Variants in PTPRD observed in about 807,000 individuals in gnomAD.
PTPRD encodes the protein protein tyrosine phosphatase receptor type D, also known as receptor-type tyrosine-protein phosphatase delta.
In PTPRD, 34 loss-of-function variants were observed where a neutral mutation model predicts 214.5. The observed-to-expected ratio is 0.16, with a 90% CI of 0.12 to 0.21. PTPRD has a LOEUF of 0.21. Among genes scored for constraint, PTPRD ranks in the 10% least tolerant of loss-of-function variants. The pLI is 1.00. For synonymous variants in PTPRD, 1,128 were observed against 845.7 expected, an observed-to-expected ratio of 1.33 and a Z score of -5.79; for missense variants, 2,545 against 2,398.7, an observed-to-expected ratio of 1.06 and a Z score of -1.27.
In PTPRD at chr9:10,238,807, T is replaced by A. The variant is rs561536363; in HGVS notation, c.-545+102156A>T. Among the ~76,000 whole-genome samples, 7 of 152,090 alleles carry A rather than the reference T, an allele frequency of 4.6e-5. No homozygotes were observed. In the South Asian group the frequency reaches 1.4e-3, roughly 31 times the overall value. On this transcript the variant is annotated intron_variant, in intron 3 of 45. Coordinates refer to ENST00000381196, the MANE Select transcript of PTPRD (RefSeq NM_002839.4). ...AAAGTTGGGATAATTGAATAATGTT[T>A]AAGGTGAAATGGAATTTTTATTTAA... is the stretch of plus-strand genomic sequence containing the variant.
intron 2 of PTPRD, among the ~76,000 whole-genome samples, chr9:10,530,955 T>C (rs75001701): frequency 6.8e-6 from 1 of 146,442 alleles, no homozygotes; most frequent in Admixed American, 6.8e-5. Context: ...CAGTAGACAA[T>C]TTTTTTTTTT....
At chr9:9,043,032 C>T (rs2099646725) in intron 10 of PTPRD, among the ~76,000 whole-genome samples, 1 of 152,152 alleles carries the variant, frequency 6.6e-6, no homozygotes, top group Non-Finnish European at 1.5e-5. Context: ...TGCTCCTGCA[C>T]ATTTTAAAAC....
At chr9:10,148,790 T>C (rs754633416) in intron 3 of PTPRD, among the ~76,000 whole-genome samples, 2 of 152,186 alleles carry the variant, frequency 1.3e-5, no homozygotes, top group Non-Finnish European at 2.9e-5. Flanking sequence ...CATGTCTATG[T>C]ATACTTTAAA....
At chr9:10,166,235 G>C (rs1330066096) in intron 3 of PTPRD, among the ~76,000 whole-genome samples, 1 of 117,982 alleles carries the variant, frequency 8.5e-6, no homozygotes, top group East Asian at 2.5e-4. Context: ...TAAAGGGACT[G>C]AAAAATTGAA....
At chr9:9,613,108 A>T (rs2094606322) in intron 7 of PTPRD, among the ~76,000 whole-genome samples, 1 of 116,382 alleles carries the variant, frequency 8.6e-6, no homozygotes, top group Admixed American at 9.2e-5. Context: ...CATACATATA[A>T]TAGCTAGGCT....
At chr9:10,192,529 C>T (rs1249676851) in intron 3 of PTPRD, among the ~76,000 whole-genome samples, 1 of 145,496 alleles carries the variant, frequency 6.9e-6, no homozygotes, top group Admixed American at 6.9e-5. Flanking sequence ...CACAGACCAA[C>T]AACTTAGTGG....
rs977939989 is a variant in PTPRD, at chr9:8,798,716, T to C, written c.-103-64770A>G. Among the ~76,000 whole-genome samples, 80 of 152,230 alleles carry C rather than the reference T, an allele frequency of 5.3e-4. 1 individual carries two copies. Among genetic ancestry groups the C allele is most frequent in the Admixed American group, 1.2e-3 (19 of 15,284 alleles). On this transcript the variant is annotated intron_variant, in intron 11 of 45. Transcript: ENST00000381196. ...GTTCATACAAGAAAGCTGTGCCTTC[T>C]TGAAATTTACAGGTAGTTAAATGCA...
chr9:9,185,033 G>C (rs1400548872), intron 9 of PTPRD, among the ~76,000 whole-genome samples: 2 of 151,972 alleles, frequency 1.3e-5, no homozygotes, highest in African/African-American at 4.8e-5. Context: ...CTCTATTTGT[G>C]GGTTTTAGGT....
Position 8,484,376 on chromosome 9 carries a change from A to T in PTPRD, c.3156T>A (p.Ile1052=), listed in dbSNP as rs2096952241. The stretch of plus-strand genomic sequence containing the variant: ...CTACCATTTTCCCATCATCATAAAG[A>T]ATCTAAAGAGATAAAACCAATAAAA... The part of the protein sequence containing the change: ...ENYNSAMPFK[I]LYDDGKMVEE... The change falls in exon 30 of 46, where the codon ATT becomes ATA. Residue 1052 remains isoleucine, a splice_region_variant and synonymous_variant. Transcript: ENST00000381196. The T allele has an allele frequency of 1.2e-6, 2 of 1,609,176 alleles. No individual in the cohort carries two copies. Among genetic ancestry groups the T allele is most frequent in the African/African-American group, 2.7e-5 (2 of 74,584 alleles).
At chr9:9,569,344 T>C (rs1055203711) in intron 8 of PTPRD, among the ~76,000 whole-genome samples, 1 of 151,698 alleles carries the variant, frequency 6.6e-6, no homozygotes, top group African/African-American at 2.4e-5. Flanking sequence ...AAAATATACA[T>C]TTGAGTTTCA....
At chr9:9,453,936 C>T (rs2092624696) in intron 8 of PTPRD, among the ~76,000 whole-genome samples, 1 of 151,654 alleles carries the variant, frequency 6.6e-6, no homozygotes, top group Admixed American at 6.6e-5. Flanking sequence ...AGATCCACTT[C>T]TAAAAAATGT....
At chr9:10,167,197 G>C (rs558918990) in intron 3 of PTPRD, among the ~76,000 whole-genome samples, 3 of 151,506 alleles carry the variant, frequency 2.0e-5, no homozygotes, top group African/African-American at 7.3e-5. Flanking sequence ...GTATTTCAGA[G>C]AGAATTAAGA....
intron 2 of PTPRD, among the ~76,000 whole-genome samples, chr9:10,553,923 A>C (rs1012458850): frequency 2.0e-5 from 3 of 152,214 alleles, no homozygotes; most frequent in Non-Finnish European, 1.5e-5. Flanking sequence ...ACATTTTGGT[A>C]AACTCAGTTT....
chr9:9,703,669 G>C (rs1372383893), intron 7 of PTPRD, among the ~76,000 whole-genome samples: 1 of 152,054 alleles, frequency 6.6e-6, no homozygotes, highest in African/African-American at 2.4e-5. Context: ...GTTCTGTACA[G>C]TTTACCTCCC....
rs185043681 is a variant in PTPRD, at chr9:10,377,728, G to C, written c.-599-36711C>G. ...GTGCTGGAGAGGATATGGAGAAATA[G>C]GAACACTTTTATACTGTTGGTGGGA... On this transcript the variant is annotated intron_variant, in intron 2 of 45. Transcript: ENST00000381196. 2.2e-4 allele frequency among the ~76,000 whole-genome samples: 33 copies of C among 152,074 alleles called. 1 individual carries two copies. The East Asian group carries it at 6.4e-3, about 30-fold the overall frequency.
chr9:8,911,449 G>C (rs1244980336), intron 11 of PTPRD, among the ~76,000 whole-genome samples: 1 of 151,612 alleles, frequency 6.6e-6, no homozygotes, highest in African/African-American at 2.4e-5. Context: ...GTGAGAGAGA[G>C]AGAGAGACAA....
chr9:10,218,646 G>A (rs2099552385), intron 3 of PTPRD, among the ~76,000 whole-genome samples: 1 of 151,704 alleles, frequency 6.6e-6, no homozygotes, highest in South Asian at 2.1e-4. Flanking sequence ...ATAATATGTA[G>A]TCTGAATCCA....
At chr9:8,690,571 T>G (rs553067092) in intron 12 of PTPRD, among the ~76,000 whole-genome samples, 1 of 152,068 alleles carries the variant, frequency 6.6e-6, no homozygotes, top group South Asian at 2.1e-4. Flanking sequence ...GGTCAGTAAT[T>G]TATCCATAGG....
chr9:8,532,970 C>T (rs762254779), intron 14 of PTPRD, among the ~76,000 whole-genome samples: 3 of 151,916 alleles, frequency 2.0e-5, no homozygotes, highest in Non-Finnish European at 4.4e-5. Context: ...TATTAACAAC[C>T]CTGACCTACC....
Sources: gnomAD v4.1 joint callset for allele counts (sites outside exome capture counted in the v4.1 genomes callset) on GRCh38, gnomAD v4.1.1 for gene constraint, MANE v1.5 for transcripts, NCBI Gene and HGNC (gene_info 2026-07-23, HGNC 2026-07-21) for gene names.